Variants in SRGAP2B observed in about 807,000 individuals in gnomAD.
SRGAP2B encodes SLIT-ROBO Rho GTPase-activating protein 2B.
Under a neutral mutation model 22.2 loss-of-function variants are expected in SRGAP2B, and 9 were observed. The ratio of observed to expected loss-of-function variants is 0.41; its 90% CI spans 0.24 to 0.71. The LOEUF is 0.71. SRGAP2B is among the 30% of genes least tolerant of loss of function. SRGAP2B has a pLI of 0.35. For synonymous variants in SRGAP2B, 36 were observed against 87.4 expected, an observed-to-expected ratio of 0.41 and a Z score of 3.28; for missense variants, 114 against 235.8, an observed-to-expected ratio of 0.48 and a Z score of 3.38.
intron 4 of SRGAP2B, among the ~76,000 whole-genome samples, chr1:144,944,073 G>A (rs1185466747): frequency 2.7e-5 from 4 of 149,904 alleles, no homozygotes; most frequent in Non-Finnish European, 4.4e-5. Flanking sequence ...CTGTAATGAA[G>A]TATAAAGCCA....
At chr1:144,975,728 C>A (rs1294150922) in intron 3 of SRGAP2B, among the ~76,000 whole-genome samples, 1 of 149,772 alleles carries the variant, frequency 6.7e-6, no homozygotes, top group African/African-American at 2.5e-5. Flanking sequence ...ATAAAACAGA[C>A]TAAGATAGGA....
intron 2 of SRGAP2B, among the ~76,000 whole-genome samples, chr1:145,079,048 AAGG>A (rs1652710423): frequency 8.9e-6 from 1 of 112,554 alleles, no homozygotes; most frequent in African/African-American, 3.3e-5. Flanking sequence ...TTGCAGTTTT[AAGG>A]AGAATTAGGT....
intron 3 of SRGAP2B, chr1:144,965,106 G>C (rs2101982140): frequency 7.7e-7 from 1 of 1,293,950 alleles, no homozygotes; most frequent in South Asian, 1.2e-5. Flanking sequence ...AGGATGCTTG[G>C]ATTGTCTGCT....
intron 4 of SRGAP2B, among the ~76,000 whole-genome samples, chr1:144,939,384 G>A (rs587649787): frequency 6.6e-6 from 1 of 150,510 alleles, no homozygotes; most frequent in South Asian, 2.1e-4. Context: ...TCCCCTCTAT[G>A]AAGCTCTCCT....
intron 5 of SRGAP2B, among the ~76,000 whole-genome samples, chr1:144,910,410 T>G (rs1397069265): frequency 1.9e-4 from 27 of 142,782 alleles, no homozygotes; most frequent in Non-Finnish European, 3.5e-4. Context: ...AGTGCCAGAG[T>G]CAAATAGGCA....
intron 2 of SRGAP2B, among the ~76,000 whole-genome samples, chr1:145,027,029 T>TC (rs1647835493): frequency 8.9e-6 from 1 of 112,478 alleles, no homozygotes; most frequent in Non-Finnish European, 1.8e-5. Context: ...TTTTTTTTTT[T>TC]TTTTTTGAGA....
chr1:144,940,980 A>T (rs1665995216), intron 4 of SRGAP2B, among the ~76,000 whole-genome samples: 1 of 149,956 alleles, frequency 6.7e-6, no homozygotes, highest in Non-Finnish European at 1.5e-5. Context: ...ACTAAGCTTA[A>T]TATATAATGT....
intron 2 of SRGAP2B, among the ~76,000 whole-genome samples, chr1:145,041,557 G>T (rs1185158392): frequency 7.8e-6 from 1 of 128,838 alleles, no homozygotes; most frequent in African/African-American, 3.3e-5. Flanking sequence ...TACTTAACAG[G>T]CTGAGGCAAG....
chr1:144,958,908 G>A lies in SRGAP2B; in HGVS notation c.261-3307C>T, dbSNP rs1436472613. Among the ~76,000 whole-genome samples the A allele has an allele frequency of 4.1e-4, 62 of 150,248 alleles. 4 individuals carry two copies. Among genetic ancestry groups the A allele is most frequent in the African/African-American group, 1.5e-3 (58 of 39,878 alleles). ...ACATGAGCAAGAGACCCAGGACCCA[G>A]TTTCCCTGCATTAGATACCACTGCA... On this transcript the variant is annotated intron_variant, in intron 3 of 9. Coordinates refer to ENST00000612199, the Ensembl canonical transcript of SRGAP2B.
At chr1:144,911,315 ACT>A (rs1203702304) in intron 5 of SRGAP2B, among the ~76,000 whole-genome samples, 1 of 139,898 alleles carries the variant, frequency 7.1e-6, no homozygotes. Context: ...CTTCTAAGAA[ACT>A]CTCCCTTGTT....
intron 5 of SRGAP2B, among the ~76,000 whole-genome samples, chr1:144,908,262 A>C (rs1663131651): frequency 6.6e-6 from 1 of 150,472 alleles, no homozygotes; most frequent in Admixed American, 6.6e-5. Context: ...ATAAAGAGAA[A>C]ACGTTATGAA....
At chr1:144,965,713 A>C (rs1167521903) in intron 3 of SRGAP2B, among the ~76,000 whole-genome samples, 2 of 135,938 alleles carry the variant, frequency 1.5e-5, no homozygotes, top group African/African-American at 6.3e-5. Flanking sequence ...GCACATTCAA[A>C]CCAAAGGCAA....
chr1:144,920,857 C>T (rs1553604247), intron 4 of SRGAP2B, among the ~76,000 whole-genome samples: 1 of 150,600 alleles, frequency 6.6e-6, no homozygotes, highest in African/African-American at 2.5e-5. Flanking sequence ...AGCCCACTAA[C>T]TTAGTTAGAC....
intron 3 of SRGAP2B, 22 bp from the exon 4 acceptor site, chr1:144,955,623 A>G: frequency 1.4e-6 from 1 of 719,020 alleles, no homozygotes; most frequent in African/African-American, 2.1e-5. Flanking sequence ...CATCAAGGAA[A>G]AGAAGTCATT....
chr1:144,907,646 G>GA (rs1558741995), intron 5 of SRGAP2B, among the ~76,000 whole-genome samples: 1 of 149,898 alleles, frequency 6.7e-6, no homozygotes, highest in Non-Finnish European at 1.5e-5. Context: ...CTTGGGGATT[G>GA]CTACTGGCAT....
At chr1:144,940,550 G>A (rs1423593017) in intron 4 of SRGAP2B, among the ~76,000 whole-genome samples, 2 of 144,300 alleles carry the variant, frequency 1.4e-5, no homozygotes, top group Non-Finnish European at 3.0e-5. Flanking sequence ...TGAAATCCCA[G>A]CACTTTGGGA....
intron 5 of SRGAP2B, among the ~76,000 whole-genome samples, chr1:144,906,604 C>A (rs1450751846): frequency 6.7e-6 from 1 of 149,832 alleles, no homozygotes; most frequent in African/African-American, 2.5e-5. Context: ...GGGGATCTGT[C>A]TGTTCTGCTT....
chr1:144,907,168 T>C lies in SRGAP2B; in HGVS notation c.487-1094A>G, dbSNP rs1267587482. 5.3e-5 allele frequency among the ~76,000 whole-genome samples: 8 copies of C among 149,864 alleles called. No individual in the cohort carries two copies. In the South Asian group the frequency reaches 1.1e-3, roughly 20 times the overall value. Reference sequence around the variant, plus strand: ...GTGTGTGTGTGTGTGTGTGTGCATGTGTGTGTGTAACACAGGAGTGCAAAG... The same window carrying C: ...GTGTGTGTGTGTGTGTGTGTGCATGCGTGTGTGTAACACAGGAGTGCAAAG... On this transcript the variant is annotated intron_variant, in intron 5 of 9. Transcript: ENST00000612199.
intron 2 of SRGAP2B, among the ~76,000 whole-genome samples, chr1:145,001,936 T>G (rs1258501254): frequency 2.0e-5 from 3 of 147,326 alleles, no homozygotes; most frequent in African/African-American, 7.8e-5. Flanking sequence ...GTGGGAGGCT[T>G]GCTTGAGCCC....
Sources: allele counts gnomAD v4.1 joint callset (sites outside exome capture counted in the v4.1 genomes callset), GRCh38; gene constraint gnomAD v4.1.1; transcripts MANE v1.5; gene names NCBI Gene and HGNC (gene_info 2026-07-23, HGNC 2026-07-21).